The following COLEC12 variants were observed in gnomAD, a reference collection of about 807,000 sequenced individuals.
The protein encoded by COLEC12 is collectin subfamily member 12.
A neutral mutation model predicts 71.1 loss-of-function variants in COLEC12; 33 were observed. The observed-to-expected ratio is 0.46, with a 90% confidence interval of 0.35 to 0.62. The LOEUF (loss-of-function observed/expected upper bound fraction) is 0.62. COLEC12 is among the 20% of genes least tolerant of loss of function. COLEC12 has a pLI of 0.00. For missense variants in COLEC12, 765 were observed against 916.1 expected (o/e 0.84, Z 2.13); for synonymous variants, 350 against 353.0 (o/e 0.99, Z 0.10).
rs1914764075 is a variant in COLEC12 at position 362,281 on chromosome 18, T to C, written c.59-4759A>G. 6.6e-6 allele frequency among the ~76,000 whole-genome samples: 1 copy of C among 152,212 alleles called. No individual in the cohort carries two copies. On this transcript the variant is annotated intron_variant, in intron 2 of 9. Transcript: ENST00000400256. This position sits in a 1 kb window ranked among gnomAD's most constrained non-coding sequence, Gnocchi z 4.6. ...TTAATCAATATCAGATGGCACTGCCTGGCCTCCCTTTCCACTTGACACGCT... is the reference window on the plus strand; with the variant it reads ...TTAATCAATATCAGATGGCACTGCCCGGCCTCCCTTTCCACTTGACACGCT...
intron 2 of COLEC12, among the ~76,000 whole-genome samples, chr18:475,908 C>A: frequency 6.6e-6 from 1 of 152,156 alleles, no homozygotes; most frequent in East Asian, 1.9e-4. Context: ...GGGCTGGGTT[C>A]CCTTCAACAC....
chr18:468,179 T>G (rs1287718526), intron 2 of COLEC12, among the ~76,000 whole-genome samples: 7 of 151,468 alleles, frequency 4.6e-5, no homozygotes, highest in African/African-American at 1.5e-4. Flanking sequence ...GGAGAATCGC[T>G]TAAACCCGGT....
chr18:355,121 T>C (rs144611486), intron 3 of COLEC12, among the ~76,000 whole-genome samples: 1 of 152,122 alleles, frequency 6.6e-6, no homozygotes, highest in Admixed American at 6.6e-5. Context: ...TGAACTTTCC[T>C]GGGCAATGGT....
At chr18:490,716 G>A (rs1057254007) in intron 1 of COLEC12, among the ~76,000 whole-genome samples, 7 of 152,366 alleles carry the variant, frequency 4.6e-5, no homozygotes, top group African/African-American at 1.7e-4. Context: ...GAGCCAGAGT[G>A]TGGAGTTCAA....
At chr18:490,619 G>A (rs1375084746) in intron 1 of COLEC12, among the ~76,000 whole-genome samples, 5 of 152,108 alleles carry the variant, frequency 3.3e-5, no homozygotes, top group Admixed American at 2.0e-4. Flanking sequence ...TTATATGAAT[G>A]GAAAAGTCAG....
At chr18:322,880 A>G (rs1302813405) in intron 8 of COLEC12, among the ~76,000 whole-genome samples, 5 of 152,188 alleles carry the variant, frequency 3.3e-5, no homozygotes. Flanking sequence ...GGGTGGGGAC[A>G]GGGTAGAACT....
intron 2 of COLEC12, among the ~76,000 whole-genome samples, chr18:377,943 G>A (rs1223706554): frequency 6.6e-6 from 1 of 152,012 alleles, no homozygotes; most frequent in South Asian, 2.1e-4. Context: ...AGAAAGCTGT[G>A]GTTTCATCTG....
At chr18:468,297 T>C (rs901182161) in intron 2 of COLEC12, among the ~76,000 whole-genome samples, 1 of 150,444 alleles carries the variant, frequency 6.6e-6, no homozygotes, top group African/African-American at 2.4e-5. Flanking sequence ...AGTAGCAGAA[T>C]AGATTCTTGA....
Position 500,356 on chromosome 18 carries a change from TG to T in COLEC12, c.7+151del, listed in dbSNP as rs1283706328. 2.2e-6 allele frequency: 1 copy of T among 455,686 alleles called. No homozygotes were observed. Among genetic ancestry groups the T allele is most frequent in the African/African-American group, 2.1e-5 (1 of 48,202 alleles). 28.2% of individuals were successfully genotyped at this position (455,686 alleles called of 1,614,324 possible). A position where few individuals can be genotyped will look rare whatever the true frequency, so the allele number is the denominator to read the frequency against. On this transcript the variant is annotated intron_variant, in intron 1 of 9. Transcript: ENST00000400256. The surrounding 1 kb of genome is among the most constrained non-coding windows in gnomAD (Gnocchi z 5.3). Reference sequence around the variant, plus strand: ...ACCCGGGAGCCGGGTGCGCCCCCAGTGTCCGCGCACGAACCCGGCGCCCTGG... The same window carrying T: ...ACCCGGGAGCCGGGTGCGCCCCCAGTTCCGCGCACGAACCCGGCGCCCTGG...
At chr18:422,858 T>C (rs1916124927) in intron 2 of COLEC12, among the ~76,000 whole-genome samples, 1 of 152,182 alleles carries the variant, frequency 6.6e-6, no homozygotes. Flanking sequence ...AAATTCCTAC[T>C]TTGATTTTTT....
chr18:487,326 G>C (rs560393287), intron 1 of COLEC12, among the ~76,000 whole-genome samples: 1 of 152,356 alleles, frequency 6.6e-6, no homozygotes, highest in South Asian at 2.1e-4. Context: ...GTTTTGAGGG[G>C]AACTGAGGAG....
intron 2 of COLEC12, among the ~76,000 whole-genome samples, chr18:392,695 G>A (rs762091780): frequency 1.3e-5 from 2 of 152,202 alleles, no homozygotes; most frequent in Non-Finnish European, 2.9e-5. Flanking sequence ...CCTAAAATGT[G>A]AGGGCCTTTT....
intron 5 of COLEC12, among the ~76,000 whole-genome samples, chr18:343,499 C>T (rs771225305): frequency 6.6e-6 from 1 of 151,982 alleles, no homozygotes; most frequent in Non-Finnish European, 1.5e-5. Context: ...GTGACCCCTC[C>T]CTGCTCTCTA....
chr18:468,995 A>G (rs979170841), intron 2 of COLEC12, among the ~76,000 whole-genome samples: 5 of 152,276 alleles, frequency 3.3e-5, no homozygotes, highest in South Asian at 2.1e-4. Flanking sequence ...GCAGCAGTTT[A>G]GTAACAGCTG....
chr18:454,365 T>C (rs1567912603), intron 2 of COLEC12, among the ~76,000 whole-genome samples: 1 of 152,118 alleles, frequency 6.6e-6, no homozygotes, highest in African/African-American at 2.4e-5. Flanking sequence ...CCCAGAGGCC[T>C]TTCCTAACCA....
chr18:409,106 G>C (rs781075380), intron 2 of COLEC12, among the ~76,000 whole-genome samples: 1 of 149,526 alleles, frequency 6.7e-6, no homozygotes, highest in Non-Finnish European at 1.5e-5. Context: ...AAAGTGCTGG[G>C]ATTACAAGTG....
intron 2 of COLEC12, among the ~76,000 whole-genome samples, chr18:426,974 G>T (rs1598359741): frequency 6.6e-6 from 1 of 152,222 alleles, no homozygotes; most frequent in East Asian, 1.9e-4. Context: ...TCCTAGGGCT[G>T]CAAGACCCCT....
Position 357,428 on chromosome 18 carries a change from T to C in COLEC12, c.153A>G (p.Thr51=). 6.2e-7 allele frequency: 1 copy of C among 1,602,114 alleles called. No individual in the cohort carries two copies. The highest frequency in any genetic ancestry group is 2.2e-5 in the East Asian group (1 of 44,486). ...ILLYILCALL[T]ITVAILGYKV... is the part of the protein sequence containing the mutation. ...TATATCCCAAAATGGCTACTGTGAT[T>C]GTTAGCAAGGCACACAAAATGTATA... The change falls in exon 3 of 10, where the codon ACA becomes ACG. Residue 51 remains threonine, a synonymous_variant. Coordinates refer to ENST00000400256, the MANE Select transcript of COLEC12 (RefSeq NM_130386.3).
intron 2 of COLEC12, among the ~76,000 whole-genome samples, chr18:380,778 G>A (rs375971637): frequency 5.3e-5 from 8 of 152,084 alleles, no homozygotes; most frequent in South Asian, 4.2e-4. Context: ...ATGTCTTTAC[G>A]TTCTTAGAGA....
Sources: gnomAD v4.1 joint callset for allele counts (sites outside exome capture counted in the v4.1 genomes callset) on GRCh38, gnomAD v4.1.1 for gene constraint, Gnocchi (gnomAD v3.1) non-coding constraint, MANE v1.5 for transcripts, NCBI Gene and HGNC (gene_info 2026-07-23, HGNC 2026-07-21) for gene names.